SPOCK1: variants seen among roughly 807,000 people sequenced by gnomAD.
SPOCK1 encodes testican-1.
SPOCK1 carries 23 observed loss-of-function variants against 55.3 expected under a neutral mutation model. The observed-to-expected ratio is 0.42, with a 90% CI of 0.30 to 0.59. SPOCK1 has a LOEUF of 0.59. Ranked by LOEUF, SPOCK1 falls within the 20% of genes least tolerant of loss-of-function variation. The pLI, the probability that SPOCK1 is intolerant of heterozygous loss-of-function variation, is 0.22. For synonymous variants in SPOCK1, 226 were observed against 221.0 expected (o/e 1.02, Z -0.20); for missense variants, 499 against 552.5 (o/e 0.90, Z 0.97).
intron 2 of SPOCK1, among the ~76,000 whole-genome samples, chr5:137,385,154 C>A (rs532180077): frequency 7.9e-4 from 120 of 152,266 alleles, no homozygotes; most frequent in African/African-American, 2.7e-3. Context: ...ATACCTCATT[C>A]CAAAAAGAAT....
chr5:137,403,206 G>A (rs1189896782), intron 2 of SPOCK1, among the ~76,000 whole-genome samples: 7 of 152,204 alleles, frequency 4.6e-5, no homozygotes, highest in Admixed American at 2.6e-4. Context: ...TAGGATTCCG[G>A]CCCTCACACC....
At chr5:137,185,655 G>C (rs1328098505) in intron 3 of SPOCK1, among the ~76,000 whole-genome samples, 5 of 152,100 alleles carry the variant, frequency 3.3e-5, no homozygotes, top group African/African-American at 1.2e-4. Flanking sequence ...GGAATGCAGA[G>C]AACATGGTGG....
Position 136,978,467 on chromosome 5 carries a change from C to T in SPOCK1, c.*187G>A. 1 of 482,140 alleles carries T rather than the reference C, an allele frequency of 2.1e-6. No individual in the cohort carries two copies. Among genetic ancestry groups the T allele is most frequent in the Non-Finnish European group, 3.5e-6 (1 of 288,564 alleles). 29.9% of individuals were successfully genotyped at this position (482,140 alleles called of 1,614,324 possible). On this transcript the variant is annotated 3_prime_UTR_variant, in exon 11 of 11. Coordinates refer to ENST00000394945, the MANE Select transcript of SPOCK1 (RefSeq NM_004598.4). ...ACAAAAAAAAAACACAACACCCTTT[C>T]TCCCATACAAACATATGCAAAATCA...
intron 3 of SPOCK1, among the ~76,000 whole-genome samples, chr5:137,172,566 C>T (rs956046240): frequency 4.6e-5 from 7 of 152,092 alleles, no homozygotes; most frequent in Non-Finnish European, 7.4e-5. Flanking sequence ...TTTTATTTTT[C>T]CACCTTCCCA....
intron 9 of SPOCK1, among the ~76,000 whole-genome samples, chr5:136,981,144 G>A (rs1750722881): frequency 6.6e-6 from 1 of 152,078 alleles, no homozygotes; most frequent in African/African-American, 2.4e-5. Flanking sequence ...TAGAGAGTGG[G>A]GCTGAGCAGT....
At chr5:137,308,792 C>T (rs889267183) in intron 2 of SPOCK1, among the ~76,000 whole-genome samples, 7 of 152,178 alleles carry the variant, frequency 4.6e-5, no homozygotes, top group Non-Finnish European at 8.8e-5. Flanking sequence ...ATACAACCAT[C>T]CTATGGAGTA....
intron 4 of SPOCK1, among the ~76,000 whole-genome samples, chr5:137,123,518 C>T (rs948098443): frequency 4.6e-5 from 7 of 152,168 alleles, no homozygotes; most frequent in Non-Finnish European, 4.4e-5. Flanking sequence ...AGACAAGATG[C>T]TCAAAATTGT....
intron 2 of SPOCK1, among the ~76,000 whole-genome samples, chr5:137,276,340 G>A (rs912126152): frequency 6.6e-5 from 10 of 152,046 alleles, no homozygotes; most frequent in African/African-American, 1.7e-4. Flanking sequence ...ACTTCTTCTC[G>A]TGGAAAGCCT....
At chr5:137,035,292 C>A (rs1014836170) in intron 6 of SPOCK1, among the ~76,000 whole-genome samples, 5 of 152,174 alleles carry the variant, frequency 3.3e-5, no homozygotes, top group East Asian at 1.9e-4. Flanking sequence ...GCTCCCCCAG[C>A]GGATGGCAGC....
chr5:137,167,887 A>G (rs1642638211), intron 3 of SPOCK1, among the ~76,000 whole-genome samples: 1 of 152,092 alleles, frequency 6.6e-6, no homozygotes, highest in Non-Finnish European at 1.5e-5. Flanking sequence ...AAAAATGTCA[A>G]AAAACAACCT....
chr5:137,219,888 T>G (rs1482184245), intron 3 of SPOCK1, among the ~76,000 whole-genome samples: 2 of 152,158 alleles, frequency 1.3e-5, no homozygotes, highest in Non-Finnish European at 2.9e-5. Flanking sequence ...CTTTGCCTCC[T>G]TAGAGTGAGC....
chr5:137,215,529 T>C (rs768847386), intron 3 of SPOCK1, among the ~76,000 whole-genome samples: 5 of 152,208 alleles, frequency 3.3e-5, no homozygotes, highest in Non-Finnish European at 7.3e-5. Context: ...TTTTACTGGA[T>C]GATAATTTTA....
chr5:137,231,225 A>G (rs1312348907), intron 3 of SPOCK1, among the ~76,000 whole-genome samples: 1 of 152,092 alleles, frequency 6.6e-6, no homozygotes, highest in Non-Finnish European at 1.5e-5. Context: ...TTGTATTTTT[A>G]GTAGAGGCAG....
At chr5:137,321,197 G>GAA (rs754227950) in intron 2 of SPOCK1, among the ~76,000 whole-genome samples, 5 of 83,066 alleles carry the variant, frequency 6.0e-5, no homozygotes, top group Non-Finnish European at 1.0e-4. Flanking sequence ...ACACCAACCA[G>GAA]AAAAAAAAAA....
At chr5:136,983,280 A>ACTT (rs1750768171) in intron 9 of SPOCK1, among the ~76,000 whole-genome samples, 1 of 146,142 alleles carries the variant, frequency 6.8e-6, no homozygotes, top group Admixed American at 6.9e-5. Flanking sequence ...TTGAACCAAG[A>ACTT]CTTCAACCCA....
At chr5:137,353,445 G>T (rs139196233) in intron 2 of SPOCK1, among the ~76,000 whole-genome samples, 1 of 151,982 alleles carries the variant, frequency 6.6e-6, no homozygotes, top group Admixed American at 6.6e-5. Flanking sequence ...ACCCACTGCC[G>T]CCTTCTTGAT....
At chr5:137,085,531 G>T (rs1369130663) in intron 5 of SPOCK1, among the ~76,000 whole-genome samples, 3 of 152,102 alleles carry the variant, frequency 2.0e-5, no homozygotes, top group African/African-American at 7.2e-5. Context: ...CAGTGTCCTG[G>T]AAAACACAGA....
intron 3 of SPOCK1, among the ~76,000 whole-genome samples, chr5:137,170,099 TG>T (rs1438499294): frequency 6.6e-6 from 1 of 152,234 alleles, no homozygotes; most frequent in African/African-American, 2.4e-5. Context: ...GTCAAGTCCC[TG>T]ATATAATAAA....
At chr5:137,492,769 G>A (rs894973498) in intron 2 of SPOCK1, among the ~76,000 whole-genome samples, 1 of 152,210 alleles carries the variant, frequency 6.6e-6, no homozygotes, top group African/African-American at 2.4e-5. Context: ...CAGTTGCTTG[G>A]ACCATGTCTT....
Sources: gnomAD v4.1 joint callset for allele counts (sites outside exome capture counted in the v4.1 genomes callset) on GRCh38, gnomAD v4.1.1 for gene constraint, MANE v1.5 for transcripts, NCBI Gene and HGNC (gene_info 2026-07-23, HGNC 2026-07-21) for gene names.